Variants in SLC38A9 observed in about 807,000 individuals in gnomAD.
SLC38A9 encodes neutral amino acid transporter 9.
Under a neutral mutation model 62.3 loss-of-function variants are expected in SLC38A9, and 48 were observed. That is an observed-to-expected ratio of 0.77 (90% CI 0.61 to 0.98). The LOEUF (loss-of-function observed/expected upper bound fraction) is 0.98, where lower values mean the gene tolerates loss of function less well. SLC38A9 is among the 50% of genes least tolerant of loss of function. The pLI, the probability that SLC38A9 is intolerant of heterozygous loss-of-function variation, is 0.00. For missense variants in SLC38A9, 541 were observed against 679.8 expected (o/e 0.80, Z 2.27); for synonymous variants, 204 against 227.7 (o/e 0.90, Z 0.94).
chr5:55,633,096 G>A (rs1405282409), intron 14 of SLC38A9, among the ~76,000 whole-genome samples: 1 of 151,822 alleles, frequency 6.6e-6, no homozygotes, highest in African/African-American at 2.4e-5. Context: ...CGATCTCCCG[G>A]GCTCAAACGA....
At chr5:55,681,180 T>G (rs978506630) in intron 3 of SLC38A9, among the ~76,000 whole-genome samples, 1 of 152,214 alleles carries the variant, frequency 6.6e-6, no homozygotes, top group Non-Finnish European at 1.5e-5. Context: ...ATAATACTTA[T>G]ATCTTTGAGA....
chr5:55,694,902 G>A (rs910665836), intron 3 of SLC38A9, among the ~76,000 whole-genome samples: 1 of 152,002 alleles, frequency 6.6e-6, no homozygotes, highest in Non-Finnish European at 1.5e-5. Context: ...ACAGGTGTGC[G>A]CCACCACGCC....
intron 2 of SLC38A9, among the ~76,000 whole-genome samples, chr5:55,703,573 T>C (rs1756925860): frequency 6.6e-6 from 1 of 152,204 alleles, no homozygotes; most frequent in Non-Finnish European, 1.5e-5. Context: ...AGTTACTCAT[T>C]ACTGTTAATT....
At chr5:55,683,164 C>CAAAGTAT in intron 3 of SLC38A9, among the ~76,000 whole-genome samples, 1 of 152,078 alleles carries the variant, frequency 6.6e-6, no homozygotes, top group Non-Finnish European at 1.5e-5. Context: ...CACCTAAAAA[C>CAAAGTAT]GTCATAGAAA....
chr5:55,645,863 C>T lies in SLC38A9; in HGVS notation c.1093G>A (p.Val365Met). The T allele has an allele frequency of 6.2e-7, 1 of 1,611,072 alleles. No individual in the cohort carries two copies. The highest frequency in any genetic ancestry group is 8.5e-7 in the Non-Finnish European group (1 of 1,179,008). ...IRFQFPQLTG[V>M]LTLAFFIHNC... ...TGAATAAAAAAAGCAAGGGTAAGCA[C>T]TCCAGTCAGCTGTGGAAACTGAAAT... The change falls in exon 12 of 16, where the codon GTG becomes ATG. Residue 365 changes from valine to methionine, a missense_variant. Physicochemically the swap from Val to Met is conservative, Grantham distance 21. Coordinates refer to ENST00000396865, the MANE Select transcript of SLC38A9 (RefSeq NM_173514.4).
At position 55,672,556 on chromosome 5, in the gene SLC38A9, C is replaced by G; in HGVS notation, c.246+7G>C. 2.5e-6 allele frequency: 4 copies of G among 1,613,324 alleles called. No homozygotes were observed. The highest frequency in any genetic ancestry group is 3.4e-6 in the Non-Finnish European group (4 of 1,179,758). ...TTTTAGACTATTAGTAATGTTTTGT[C>G]TCTTACCAGTGCCTTGTCTGCAGGA... On this transcript the variant is annotated splice_region_variant and intron_variant, in intron 4 of 15. Coordinates refer to ENST00000396865, the MANE Select transcript of SLC38A9 (RefSeq NM_173514.4).
Position 55,626,458 on chromosome 5 carries a change from A to G in SLC38A9, c.*36T>C, listed in dbSNP as rs1383665071. On this transcript the variant is annotated 3_prime_UTR_variant, in exon 16 of 16. Coordinates refer to ENST00000396865, the MANE Select transcript of SLC38A9 (RefSeq NM_173514.4). ...TAGAACTGTTGTCAAGGCTCAAAAT[A>G]TCATGAGAGCTCTTGAAAAAAACAG... is the stretch of plus-strand genomic sequence containing the variant. 4.5e-6 allele frequency: 7 copies of G among 1,567,540 alleles called. No homozygotes were observed. The highest frequency in any genetic ancestry group is 1.4e-5 in the African/African-American group (1 of 73,242).
Position 55,669,227 on chromosome 5 carries a change from C to T in SLC38A9, c.526+1G>A. ...CTATTGTCACTGTGTCAAATTCTTA[C>T]ACATCATAGTCCGTGATTTCACTAC... On this transcript the variant is annotated splice_donor_variant, in intron 7 of 15. Coordinates refer to ENST00000396865, the MANE Select transcript of SLC38A9 (RefSeq NM_173514.4). LOFTEE classifies it high-confidence loss of function. 6.2e-7 allele frequency: 1 copy of T among 1,607,308 alleles called. No homozygotes were observed. Among genetic ancestry groups the T allele is most frequent in the African/African-American group, 1.3e-5 (1 of 74,830 alleles).
At position 55,672,620 on chromosome 5, in the gene SLC38A9, G is replaced by A; in HGVS notation, c.189C>T (p.Ala63=). 6.2e-7 allele frequency: 1 copy of A among 1,614,096 alleles called. No individual in the cohort carries two copies. The highest frequency in any genetic ancestry group is 2.2e-5 in the East Asian group (1 of 44,880). The part of the protein sequence containing the change: ...VIQRVSDHAS[A]MNKRIHYYSR... ...TGTAGTAATGAATTCTCTTGTTCAT[G>A]GCAGAGGCATGGTCACTAACCCTCT... Residue 63 remains alanine (A), a synonymous_variant, in exon 4 of 16, where the codon GCC becomes GCT. Transcript: ENST00000396865.
At position 55,672,880 on chromosome 5, in the gene SLC38A9, G is replaced by A; in HGVS notation, c.114-185C>T. 3 of 502,992 alleles carry A rather than the reference G, an allele frequency of 6.0e-6. No homozygotes were observed. In the South Asian group the frequency reaches 1.5e-4, roughly 25 times the overall value. 31.2% of individuals were successfully genotyped at this position (502,992 alleles called of 1,614,324 possible). A position where few individuals can be genotyped will look rare whatever the true frequency, so the allele number is the denominator to read the frequency against. ...AGTATTATCCTATCCACAGAATAAA[G>A]CTTTTGTCTCATAACACTTTTACTT... On this transcript the variant is annotated intron_variant, in intron 3 of 15. Coordinates refer to ENST00000396865, the MANE Select transcript of SLC38A9 (RefSeq NM_173514.4).
intron 3 of SLC38A9, among the ~76,000 whole-genome samples, chr5:55,685,469 C>A (rs148059141): frequency 2.4e-4 from 36 of 152,268 alleles, no homozygotes; most frequent in African/African-American, 8.4e-4. Context: ...CTTTGACCAT[C>A]ATGAATGTTA....
At chr5:55,692,162 T>A (rs1754844858) in intron 3 of SLC38A9, among the ~76,000 whole-genome samples, 1 of 152,214 alleles carries the variant, frequency 6.6e-6, no homozygotes, top group Non-Finnish European at 1.5e-5. Flanking sequence ...TGGTATTTAA[T>A]GCAATGCGTA....
chr5:55,666,083 AC>A (rs1750417768), intron 7 of SLC38A9, among the ~76,000 whole-genome samples: 1 of 152,244 alleles, frequency 6.6e-6, no homozygotes, highest in Admixed American at 6.5e-5. Context: ...GCAACTGTAT[AC>A]AATCATTAAG....
chr5:55,651,872 T>C (rs1426337696), intron 10 of SLC38A9, among the ~76,000 whole-genome samples: 1 of 151,860 alleles, frequency 6.6e-6, no homozygotes, highest in Non-Finnish European at 1.5e-5. Flanking sequence ...CCTGAAATTT[T>C]CGTGTATTTC....
chr5:55,625,968 T>C lies in SLC38A9; in HGVS notation c.*526A>G, dbSNP rs1425818700. On this transcript the variant is annotated 3_prime_UTR_variant, in exon 16 of 16. Transcript: ENST00000396865. ...ATAGAGATTAAGACTCAGTTAAAAA[T>C]GTACTTTATTAACACTGATGCCATG... is the stretch of plus-strand genomic sequence containing the variant. 2 of 152,752 alleles carry C rather than the reference T, an allele frequency of 1.3e-5. No homozygotes were observed. The highest frequency in any genetic ancestry group is 4.8e-5 in the African/African-American group (2 of 41,450). The allele number at this position is 152,752 out of a possible 1,614,324, so 9.5% of individuals were successfully genotyped here.
intron 3 of SLC38A9, among the ~76,000 whole-genome samples, chr5:55,677,497 C>T (rs570175101): frequency 1.3e-5 from 2 of 152,086 alleles, no homozygotes; most frequent in South Asian, 4.1e-4. Flanking sequence ...AGCTAGGCAG[C>T]TCCTTCACTC....
At chr5:55,666,459 ACT>A (rs965496927) in intron 7 of SLC38A9, among the ~76,000 whole-genome samples, 1 of 152,230 alleles carries the variant, frequency 6.6e-6, no homozygotes, top group Non-Finnish European at 1.5e-5. Flanking sequence ...ATACAGAAAA[ACT>A]GAAGTTCTGC....
In SLC38A9 at chr5:55,652,571, T is replaced by G. The variant is rs1747713463; in HGVS notation, c.910A>C (p.Asn304His). ...YLVGLLLPLL[N>H]FKSPSFFSKF... ...GAAAAAAATGAAGGAGACTTGAAATTGAGCAGTGGGAGGAGGAGCCCTACA... is the reference window on the plus strand; with the variant it reads ...GAAAAAAATGAAGGAGACTTGAAATGGAGCAGTGGGAGGAGGAGCCCTACA... Residue 304 changes from asparagine (N) to histidine (H), a missense_variant, in exon 10 of 16, where the codon AAT becomes CAT. By Grantham distance (68) the Asn-to-His change is moderately conservative. Coordinates refer to ENST00000396865, the MANE Select transcript of SLC38A9 (RefSeq NM_173514.4). 5 of 1,606,298 alleles carry G rather than the reference T, an allele frequency of 3.1e-6. No homozygotes were observed. Among genetic ancestry groups the G allele is most frequent in the South Asian group, 2.2e-5 (2 of 90,092 alleles).
At chr5:55,667,738 A>G (rs1421302575) in intron 7 of SLC38A9, among the ~76,000 whole-genome samples, 2 of 151,760 alleles carry the variant, frequency 1.3e-5, no homozygotes, top group African/African-American at 4.8e-5. Context: ...ATTTTATTTT[A>G]TTTTATTTTA....
Sources: gnomAD v4.1 joint callset for allele counts (sites outside exome capture counted in the v4.1 genomes callset) on GRCh38, gnomAD v4.1.1 for gene constraint, MANE v1.5 for transcripts, NCBI Gene and HGNC (gene_info 2026-07-23, HGNC 2026-07-21) for gene names.